The following ANKZF1 variants were observed in gnomAD, a reference collection of about 807,000 sequenced individuals.
The protein encoded by ANKZF1 is tRNA endonuclease ANKZF1.
ANKZF1 carries 84 observed loss-of-function variants against 86.0 expected under a neutral mutation model. That is an observed-to-expected ratio of 0.98 (90% CI 0.82 to 1.17). The LOEUF is 1.17. Ranked by LOEUF, ANKZF1 falls within the 50% of genes most tolerant of loss-of-function variation. The probability of loss-of-function intolerance (pLI) is 0.00; values close to 1 mark genes in which losing one functional copy is unlikely to be tolerated. For synonymous variants in ANKZF1, 331 were observed against 354.2 expected, an observed-to-expected ratio of 0.93 and a Z score of 0.74; for missense variants, 893 against 918.4, an observed-to-expected ratio of 0.97 and a Z score of 0.36.
At chr2:219,232,723 T>G (rs1160006568) in intron 5 of ANKZF1, 40 bp downstream of exon 5, 1 of 1,586,412 alleles carries the variant, frequency 6.3e-7, no homozygotes, top group East Asian at 2.2e-5. Flanking sequence ...CCCCAGCCTT[T>G]TGTACACCCA....
In ANKZF1 at chr2:219,232,379, G is replaced by T. The variant is rs1951068613; in HGVS notation, c.364+17G>T. 6.2e-7 allele frequency: 1 copy of T among 1,613,410 alleles called. No individual in the cohort carries two copies. The highest frequency in any genetic ancestry group is 1.7e-5 in the Admixed American group (1 of 60,008). On this transcript the variant is annotated intron_variant, in intron 4 of 13. Transcript: ENST00000323348. ...GCTCCACAGGTGATGAGTGGTAGGG[G>T]GACCTATGTAGGAGTAGGACATGGA...
At position 219,233,911 on chromosome 2, in the gene ANKZF1, T is replaced by G. The variant is rs760511227; in HGVS notation, c.1016T>G (p.Val339Gly). 6.2e-7 allele frequency: 1 copy of G among 1,600,724 alleles called. No homozygotes were observed. The highest frequency in any genetic ancestry group is 8.5e-7 in the Non-Finnish European group (1 of 1,173,792). Residue 339 changes from valine (V) to glycine (G), a missense_variant, in exon 8 of 14, where the codon GTG (valine) becomes GGG (glycine). Val to Gly is a moderately radical substitution (Grantham distance 109). Coordinates refer to ENST00000323348, the MANE Select transcript of ANKZF1 (RefSeq NM_018089.3). ...RRPTFQELQR[V>G]LHKLTTLHVY... ...CCCACCTTCCAAGAGCTACAGCGTG[T>G]GCTCCATAAGCTGACCACTTTGCAT...
At position 219,236,653 on chromosome 2, in the gene ANKZF1, GTGTACT is replaced by G. The variant is rs1951248186; in HGVS notation, c.*216_*221del. On this transcript the variant is annotated 3_prime_UTR_variant, in exon 14 of 14. Coordinates refer to ENST00000323348, the MANE Select transcript of ANKZF1 (RefSeq NM_018089.3). ...ATCACAATAAAGTTTGGCAAGGAATGTGTACTTGTACTTACATTCAGAGGCACTGTG... is the reference window on the plus strand; with the variant it reads ...ATCACAATAAAGTTTGGCAAGGAATGTGTACTTACATTCAGAGGCACTGTG... 1.5e-6 allele frequency: 1 copy of G among 668,198 alleles called. No individual in the cohort carries two copies. The highest frequency in any genetic ancestry group is 2.4e-6 in the Non-Finnish European group (1 of 421,962). 41.4% of individuals were successfully genotyped at this position (668,198 alleles called of 1,614,324 possible).
At chr2:219,236,224 T>A (rs965114351) in intron 13 of ANKZF1, 98 bp from the exon 14 acceptor site, 39 of 1,604,650 alleles carry the variant, frequency 2.4e-5, no homozygotes, top group Non-Finnish European at 3.2e-5. Context: ...TGGCAGATGC[T>A]GCAGTGAAAA....
intron 2 of ANKZF1, chr2:219,231,596 G>T (rs1248934940): frequency 2.4e-5 from 6 of 248,542 alleles, no homozygotes; most frequent in Non-Finnish European, 4.0e-5. Context: ...GGGTTTCACC[G>T]TGTTAGCCAG....
intron 2 of ANKZF1, 62 bp from the exon 3 acceptor site, chr2:219,231,863 ATAT>A: frequency 7.6e-7 from 1 of 1,320,820 alleles, no homozygotes; most frequent in Non-Finnish European, 1.1e-6. Flanking sequence ...CACACTCTGA[ATAT>A]AATTCTTGTC....
chr2:219,232,637 A>G lies in ANKZF1; in HGVS notation c.512A>G (p.Gln171Arg). ...YPHRVLFQNA[Q>R]GQFLYAYRCV... ...CATCGAGTTCTTTTCCAGAATGCCC[A>G]GGGCCAGTTTCTTTATGCCTACCGC... The change falls in exon 5 of 14, where the codon CAG (glutamine) becomes CGG (arginine). Residue 171 changes from glutamine to arginine, a missense_variant. Transcript: ENST00000323348. 1 of 1,614,202 alleles carries G rather than the reference A, an allele frequency of 6.2e-7. No individual in the cohort carries two copies. The highest frequency in any genetic ancestry group is 8.5e-7 in the Non-Finnish European group (1 of 1,180,030).
In ANKZF1 at chr2:219,236,597, A is replaced by T. The variant is rs887351911; in HGVS notation, c.*152A>T. 85 of 997,068 alleles carry T rather than the reference A, an allele frequency of 8.5e-5. 1 individual carries two copies. The Middle Eastern group carries it at 2.6e-3, about 30-fold the overall frequency. 61.8% of individuals were successfully genotyped at this position (997,068 alleles called of 1,614,324 possible). A position where few individuals can be genotyped will look rare whatever the true frequency, so the allele number is the denominator to read the frequency against. On this transcript the variant is annotated 3_prime_UTR_variant, in exon 14 of 14. Transcript: ENST00000323348. ...CTAGGGCAAAGACAGGGCTAGAGGTATGTGGAGCTGGTACTGTCTCTGGAA... is the reference window on the plus strand; with the variant it reads ...CTAGGGCAAAGACAGGGCTAGAGGTTTGTGGAGCTGGTACTGTCTCTGGAA...
intron 4 of ANKZF1, 63 bp downstream of exon 4, chr2:219,232,425 TAG>T (rs1951070312): frequency 6.2e-7 from 1 of 1,611,144 alleles, no homozygotes. Flanking sequence ...AGCACTAGTT[TAG>T]AGTTTGAGGA....
rs752605573 is a variant in ANKZF1 at position 219,235,103 on chromosome 2, C to G, written c.1482C>G (p.Leu494=). ...CCAAAGCCCCTGGTCAGCCAGAGCT[C>G]TGGAATGCACTGCTTGCTGCTTGCC... ...DEAKAPGQPE[L]WNALLAACRA... is the part of the protein sequence containing the mutation. The change falls in exon 10 of 14, where the codon CTC becomes CTG. Residue 494 remains leucine, a synonymous_variant. Coordinates refer to ENST00000323348, the MANE Select transcript of ANKZF1 (RefSeq NM_018089.3). 1 of 1,614,210 alleles carries G rather than the reference C, an allele frequency of 6.2e-7. No homozygotes were observed. Among genetic ancestry groups the G allele is most frequent in the Non-Finnish European group, 8.5e-7 (1 of 1,180,052 alleles).
At position 219,234,863 on chromosome 2, in the gene ANKZF1, G is replaced by A. The variant is rs571484552; in HGVS notation, c.1242G>A (p.Glu414=). 2.5e-6 allele frequency: 4 copies of A among 1,613,752 alleles called. No homozygotes were observed. The highest frequency in any genetic ancestry group is 2.5e-6 in the Non-Finnish European group (3 of 1,179,826). The change falls in exon 10 of 14, where the codon GAG becomes GAA. Residue 414 remains glutamate, a synonymous_variant. Transcript: ENST00000323348. ...GSEGEDGFQV[E]LELVELTVGT... ...AGGGAGAAGATGGCTTTCAGGTAGA[G>A]TTGGAGCTAGTGGAGTTGACTGTGG... is the stretch of plus-strand genomic sequence containing the variant.
rs2293074 is a variant in ANKZF1, at chr2:219,233,664, T to C, written c.820-51T>C. The C allele has an allele frequency of 8.1e-4, 1,257 of 1,543,292 alleles. 27 individuals carry two copies. The East Asian group carries it at 0.024, about 30-fold the overall frequency. On this transcript the variant is annotated intron_variant, in intron 7 of 13. Coordinates refer to ENST00000323348, the MANE Select transcript of ANKZF1 (RefSeq NM_018089.3). ...GTGGGCCATTTTTTTTAGTTGGAGA[T>C]TTATAAATAGCAAGTGAAGGTATGC...
In ANKZF1 at chr2:219,235,831, C is replaced by T. The variant is rs150402081; in HGVS notation, c.1927C>T (p.Arg643Ter). The T allele has an allele frequency of 5.6e-6, 9 of 1,614,046 alleles. No individual in the cohort carries two copies. Among genetic ancestry groups the T allele is most frequent in the African/African-American group, 1.3e-5 (1 of 74,924 alleles). Residue 643 changes from arginine to a stop codon, truncating the protein, a stop_gained, in exon 12 of 14, where the codon CGA becomes TGA. Transcript: ENST00000323348. LOFTEE classifies it high-confidence loss of function. Reference protein sequence around the residue: ...QRQQEQEEREREEQRRFAALS... With the variant: ...QRQQEQEERE ...GCAGCAGGAGCAGGAGGAGCGTGAA[C>T]GAGAAGAGCAGCGGCGATTTGCCGC...
rs73077099 is a variant in ANKZF1 at position 219,236,579 on chromosome 2, A to G, written c.*134A>G. 1,394 of 1,200,578 alleles carry G rather than the reference A, an allele frequency of 1.2e-3. 15 individuals carry two copies. In the African/African-American group the frequency reaches 0.019, roughly 17 times the overall value. The allele number at this position is 1,200,578 out of a possible 1,614,324, so 74.4% of individuals were successfully genotyped here. On this transcript the variant is annotated 3_prime_UTR_variant, in exon 14 of 14. Coordinates refer to ENST00000323348, the MANE Select transcript of ANKZF1 (RefSeq NM_018089.3). ...GTGAAGGACACTCGGGAACTAGGGC[A>G]AAGACAGGGCTAGAGGTATGTGGAG... is the stretch of plus-strand genomic sequence containing the variant.
chr2:219,234,924 A>G lies in ANKZF1; in HGVS notation c.1303A>G (p.Lys435Glu), dbSNP rs1413476202. 6.2e-7 allele frequency: 1 copy of G among 1,614,166 alleles called. No homozygotes were observed. The highest frequency in any genetic ancestry group is 1.1e-5 in the South Asian group (1 of 91,084). Residue 435 changes from lysine (K) to glutamate (E), a missense_variant, in exon 10 of 14, where the codon AAG (lysine) becomes GAG (glutamate). Transcript: ENST00000323348. ...LDLCESEVLP[K>E]RRRRKRNKKE... Reference sequence around the variant, plus strand: ...TCTTTGTGAGTCTGAAGTATTGCCCAAGCGGAGGAGGAGAAAAAGGAATAA... The same window carrying G: ...TCTTTGTGAGTCTGAAGTATTGCCCGAGCGGAGGAGGAGAAAAAGGAATAA...
intron 7 of ANKZF1, 32 bp downstream of exon 7, chr2:219,233,465 G>T: frequency 1.3e-6 from 2 of 1,553,646 alleles, no homozygotes; most frequent in South Asian, 2.4e-5. Context: ...TGGTGGTACT[G>T]ATCCATACTT....
chr2:219,236,232 A>G, intron 13 of ANKZF1, 90 bp from the exon 14 acceptor site: 1 of 1,607,858 alleles, frequency 6.2e-7, no homozygotes, highest in African/African-American at 1.3e-5. Context: ...GCTGCAGTGA[A>G]AACAGAAATG....
At chr2:219,234,320 G>A in intron 9 of ANKZF1, 32 bp downstream of exon 9, 1 of 1,613,744 alleles carries the variant, frequency 6.2e-7, no homozygotes, top group Non-Finnish European at 8.5e-7. Context: ...TGTCAGATCT[G>A]AGTTTCTGTC....
In ANKZF1 at chr2:219,236,069, C is replaced by A. The variant is rs748272986; in HGVS notation, c.2031C>A (p.Ile677=). The A allele has an allele frequency of 6.2e-7, 1 of 1,614,226 alleles. No homozygotes were observed. Among genetic ancestry groups the A allele is most frequent in the South Asian group, 1.1e-5 (1 of 91,086 alleles). ...AGTTGGGAGCCCCTACCTCTCCAAT[C>A]CCTGACTCTGCAATCGTCAATACTC... is the stretch of plus-strand genomic sequence containing the variant. The part of the protein sequence containing the change: ...AAQLGAPTSP[I]PDSAIVNTRR... Residue 677 remains isoleucine (I), a synonymous_variant, in exon 13 of 14, where the codon ATC becomes ATA. Coordinates refer to ENST00000323348, the MANE Select transcript of ANKZF1 (RefSeq NM_018089.3).
Sources: gnomAD v4.1 joint callset for allele counts on GRCh38, gnomAD v4.1.1 for gene constraint, MANE v1.5 for transcripts, NCBI Gene and HGNC (gene_info 2026-07-23, HGNC 2026-07-21) for gene names.